Variants in CHRDL2 observed in about 807,000 individuals in gnomAD.
CHRDL2 encodes chordin like 2, also known as chordin-like protein 2.
In CHRDL2, 41 loss-of-function variants were observed where a neutral mutation model predicts 54.3. The ratio of observed to expected loss-of-function variants is 0.76; its 90% CI spans 0.59 to 0.98. CHRDL2 has a LOEUF of 0.98. Ranked by LOEUF, CHRDL2 falls within the 50% of genes least tolerant of loss-of-function variation. The pLI is 0.00. For missense variants in CHRDL2, 518 were observed against 562.4 expected (o/e 0.92, Z 0.80); for synonymous variants, 220 against 224.3 (o/e 0.98, Z 0.17).
chr11:74,706,117 G>A (rs1344928189), intron 6 of CHRDL2, among the ~76,000 whole-genome samples: 1 of 152,162 alleles, frequency 6.6e-6, no homozygotes, highest in Non-Finnish European at 1.5e-5. Flanking sequence ...GGAACTGGGT[G>A]GGGAAGGCTG....
rs781324658 is a variant in CHRDL2, at chr11:74,713,448, C to G, written c.227G>C (p.Cys76Ser). 6.2e-7 allele frequency: 1 copy of G among 1,614,162 alleles called. No individual in the cohort carries two copies. The highest frequency in any genetic ancestry group is 1.1e-5 in the South Asian group (1 of 91,080). ...AGGCTGGGGGCAGTGGACAGGCGGA[C>G]AGTGGAGGCGGTAACAACTCACATG... ...GAHVSCYRLH[C>S]PPVHCPQPVT... Residue 76 changes from cysteine to serine, a missense_variant, in exon 3 of 11, where the codon TGT (cysteine) becomes TCT (serine). Cys to Ser is a moderately radical substitution (Grantham distance 112). Coordinates refer to ENST00000376332, the MANE Select transcript of CHRDL2 (RefSeq NM_001278473.3).
Position 74,731,352 on chromosome 11 carries a change from G to A in CHRDL2, c.-464C>T, listed in dbSNP as rs1356578888. 2.0e-5 allele frequency: 3 copies of A among 148,366 alleles called. No individual in the cohort carries two copies. Among genetic ancestry groups the A allele is most frequent in the Non-Finnish European group, 4.5e-5 (3 of 66,374 alleles). 9.2% of individuals were successfully genotyped at this position (148,366 alleles called of 1,614,324 possible). A position where few individuals can be genotyped will look rare whatever the true frequency, so the allele number is the denominator to read the frequency against. On this transcript the variant is annotated 5_prime_UTR_variant, in exon 1 of 11. Coordinates refer to ENST00000376332, the MANE Select transcript of CHRDL2 (RefSeq NM_001278473.3). This position sits in a 1 kb window ranked among gnomAD's most constrained non-coding sequence, Gnocchi z 4.4. ...CCGCGGGGGCCTGGGGCCCGGCGGG[G>A]CGGCGGTCCCAGCAGCGGCGGCGGC...
chr11:74,716,265 G>C (rs937645586), intron 2 of CHRDL2, among the ~76,000 whole-genome samples: 1 of 152,104 alleles, frequency 6.6e-6, no homozygotes, highest in Non-Finnish European at 1.5e-5. Context: ...GGCCAGGCGT[G>C]GTGGCTCATG....
chr11:74,712,640 G>A (rs1450437103), intron 3 of CHRDL2, among the ~76,000 whole-genome samples: 2 of 152,144 alleles, frequency 1.3e-5, no homozygotes, highest in Non-Finnish European at 2.9e-5. Context: ...CACCAGGAAA[G>A]TCCTGATTCC....
intron 9 of CHRDL2, chr11:74,697,725 C>A (rs1186328712): frequency 2.6e-6 from 1 of 387,586 alleles, no homozygotes; most frequent in South Asian, 2.0e-5. Flanking sequence ...ACCCACCTGT[C>A]CCCAGTGCAG....
At chr11:74,719,757 C>T (rs2034460532) in intron 1 of CHRDL2, among the ~76,000 whole-genome samples, 1 of 152,158 alleles carries the variant, frequency 6.6e-6, no homozygotes, top group Admixed American at 6.5e-5. Context: ...TCGTTTGTTC[C>T]ATGGGTTGGC....
chr11:74,700,619 TTTTTTA>T (rs1321567776), intron 9 of CHRDL2, among the ~76,000 whole-genome samples: 13 of 127,660 alleles, frequency 1.0e-4, no homozygotes, highest in African/African-American at 1.9e-4. Flanking sequence ...ATGGAATCTT[TTTTTTA>T]TTATTATTAT....
Position 74,731,294 on chromosome 11 carries a change from C to A in CHRDL2, c.-406G>T, listed in dbSNP as rs2034650520. On this transcript the variant is annotated 5_prime_UTR_variant, in exon 1 of 11. Coordinates refer to ENST00000376332, the MANE Select transcript of CHRDL2 (RefSeq NM_001278473.3). This position sits in a 1 kb window ranked among gnomAD's most constrained non-coding sequence, Gnocchi z 4.4. ...TGCGGGCGCGCGGGCTAGAGGCGGC[C>A]GGCGCCCCCTGCTCGGTGGGCTCGG... The A allele has an allele frequency of 6.7e-6, 1 of 149,688 alleles. No homozygotes were observed. The highest frequency in any genetic ancestry group is 1.8e-4 in the South Asian group (1 of 5,502). The allele number at this position is 149,688 out of a possible 1,614,324, so 9.3% of individuals were successfully genotyped here.
chr11:74,696,513 G>T lies in CHRDL2; in HGVS notation c.1286C>A (p.Thr429Lys). Residue 429 changes from threonine to lysine, a missense_variant, in exon 11 of 11, where the codon ACA becomes AAA. Physicochemically the swap from Thr to Lys is moderately conservative, Grantham distance 78 (BLOSUM62 -1). Coordinates refer to ENST00000376332, the MANE Select transcript of CHRDL2 (RefSeq NM_001278473.3). ...VTASPDKVTKT is the reference protein window; with the variant it reads ...VTASPDKVTKK ...TCTGCAACTGTTAGGTCTTTGTTAT[G>T]TCTTGGTCACTTTGTCTGGACTGGC... is the stretch of plus-strand genomic sequence containing the variant. 6.2e-7 allele frequency: 1 copy of T among 1,613,244 alleles called. No homozygotes were observed. Among genetic ancestry groups the T allele is most frequent in the Non-Finnish European group, 8.5e-7 (1 of 1,179,190 alleles).
chr11:74,728,685 GTTCTT>G (rs2034607928), intron 1 of CHRDL2, among the ~76,000 whole-genome samples: 1 of 152,134 alleles, frequency 6.6e-6, no homozygotes, highest in Admixed American at 6.6e-5. Flanking sequence ...CCTGGCTTTT[GTTCTT>G]TTCTTTAATA....
intron 9 of CHRDL2, among the ~76,000 whole-genome samples, chr11:74,700,622 T>TTTATTATTATTA (rs1554984202): frequency 1.4e-5 from 2 of 140,340 alleles, no homozygotes; most frequent in Non-Finnish European, 3.1e-5. Flanking sequence ...GAATCTTTTT[T>TTTATTATTATTA]TTATTATTAT....
chr11:74,713,475 G>C lies in CHRDL2; in HGVS notation c.200C>G (p.Ala67Gly), dbSNP rs1484280534. ...GTGGAGGCGGTAACAACTCACATGG[G>C]CGCCCTGAAGGGGACACAAGGGTCA... ...YCLRCTCSEG[A>G]HVSCYRLHCP... The change falls in exon 3 of 11, where the codon GCC becomes GGC. Residue 67 changes from alanine to glycine, a missense_variant. Transcript: ENST00000376332. The C allele has an allele frequency of 3.7e-6, 6 of 1,613,876 alleles. No individual in the cohort carries two copies. The highest frequency in any genetic ancestry group is 2.7e-5 in the African/African-American group (2 of 74,928).
At chr11:74,713,831 A>G (rs2135261457) in intron 2 of CHRDL2, among the ~76,000 whole-genome samples, 1 of 152,280 alleles carries the variant, frequency 6.6e-6, no homozygotes, top group South Asian at 2.1e-4. Context: ...TGGTCCTTTT[A>G]ACTCTGGGCC....
Position 74,713,419 on chromosome 11 carries a change from T to C in CHRDL2, c.256A>G (p.Thr86Ala). The change falls in exon 3 of 11, where the codon ACG becomes GCG. Residue 86 changes from threonine to alanine, a missense_variant. By Grantham distance (58) the Thr-to-Ala change is moderately conservative. Coordinates refer to ENST00000376332, the MANE Select transcript of CHRDL2 (RefSeq NM_001278473.3). ...CPPVHCPQPVTEPQQCCPKCV... is the reference protein window; with the variant it reads ...CPPVHCPQPVAEPQQCCPKCV... The stretch of plus-strand genomic sequence containing the variant: ...TTGGGACAGCATTGCTGTGGCTCCG[T>C]CACAGGCTGGGGGCAGTGGACAGGC... The C allele has an allele frequency of 3.7e-6, 6 of 1,614,092 alleles. No individual in the cohort carries two copies. The highest frequency in any genetic ancestry group is 4.2e-6 in the Non-Finnish European group (5 of 1,180,008).
chr11:74,705,897 C>T (rs997847034), intron 6 of CHRDL2, among the ~76,000 whole-genome samples: 2 of 152,016 alleles, frequency 1.3e-5, no homozygotes, highest in African/African-American at 4.8e-5. Flanking sequence ...ACCAGGAGAC[C>T]CAGGCTGAAA....
chr11:74,708,152 G>A (rs2034068495), intron 5 of CHRDL2, 150 bp downstream of exon 5: 2 of 527,100 alleles, frequency 3.8e-6, no homozygotes, highest in East Asian at 7.2e-5. Context: ...CTGCTTTCTG[G>A]GGGGTGCAGG....
rs555759368 is a variant in CHRDL2, at chr11:74,713,483, A to G, written c.196-4T>C. 1.4e-5 allele frequency: 22 copies of G among 1,612,050 alleles called. No individual in the cohort carries two copies. In the South Asian group the frequency reaches 2.0e-4, roughly 14 times the overall value. On this transcript the variant is annotated splice_polypyrimidine_tract_variant and splice_region_variant and intron_variant, in intron 2 of 10. Coordinates refer to ENST00000376332, the MANE Select transcript of CHRDL2 (RefSeq NM_001278473.3). ...GGTAACAACTCACATGGGCGCCCTG[A>G]AGGGGACACAAGGGTCAGCCCTGGT...
chr11:74,721,095 C>G (rs563484257), intron 1 of CHRDL2, among the ~76,000 whole-genome samples: 1 of 152,196 alleles, frequency 6.6e-6, no homozygotes, highest in Non-Finnish European at 1.5e-5. Flanking sequence ...CAGCAAGGCC[C>G]GGCTGGCCCG....
At chr11:74,709,528 C>T (rs2034117703) in intron 4 of CHRDL2, among the ~76,000 whole-genome samples, 2 of 152,182 alleles carry the variant, frequency 1.3e-5, no homozygotes, top group Non-Finnish European at 2.9e-5. Flanking sequence ...ACAGACTAGA[C>T]CACTGCAAAA....
Sources: allele counts gnomAD v4.1 joint callset (sites outside exome capture counted in the v4.1 genomes callset), GRCh38; gene constraint gnomAD v4.1.1; non-coding constraint Gnocchi (gnomAD v3.1); transcripts MANE v1.5; gene names NCBI Gene and HGNC (gene_info 2026-07-23, HGNC 2026-07-21).